RIMBP2: variants seen among roughly 807,000 people sequenced by gnomAD.
RIMBP2 encodes RIMS-binding protein 2.
RIMBP2 carries 48 observed loss-of-function variants against 118.6 expected under a neutral mutation model. The ratio of observed to expected loss-of-function variants is 0.40; its 90% CI spans 0.32 to 0.51. The LOEUF (loss-of-function observed/expected upper bound fraction) is 0.51, where lower values mean the gene tolerates loss of function less well. Among genes scored for constraint, RIMBP2 ranks in the 20% least tolerant of loss-of-function variants. RIMBP2 has a pLI of 0.41. For missense variants in RIMBP2, 1,551 were observed against 1,768.3 expected (o/e 0.88, Z 2.20); for synonymous variants, 762 against 742.9 (o/e 1.03, Z -0.42).
chr12:130,434,495 C>T lies in RIMBP2; in HGVS notation c.2253+239G>A, dbSNP rs1388311122. 6.6e-6 allele frequency among the ~76,000 whole-genome samples: 1 copy of T among 152,144 alleles called. No individual in the cohort carries two copies. Among genetic ancestry groups the T allele is most frequent in the African/African-American group, 2.4e-5 (1 of 41,440 alleles). On this transcript the variant is annotated intron_variant, in intron 14 of 22. Transcript: ENST00000690449. This position sits in a 1 kb window ranked among gnomAD's most constrained non-coding sequence, Gnocchi z 5.7. The stretch of plus-strand genomic sequence containing the variant: ...ATGACCGAATACCAGGATGGTGCAG[C>T]GGGGGAGGGTGGAAGCCCTGCACTT...
Position 130,581,396 on chromosome 12 carries a change from T to C in RIMBP2, c.-217+46926A>G, listed in dbSNP as rs1020967069. Among the ~76,000 whole-genome samples the C allele has an allele frequency of 6.6e-6, 1 of 152,108 alleles. No homozygotes were observed. The highest frequency in any genetic ancestry group is 2.4e-5 in the African/African-American group (1 of 41,412). ...TCTTAAGAGTTGATTTTACATAAAC[T>C]CCAAAAGTTCCATCTCCATCCCAGC... On this transcript the variant is annotated intron_variant, in intron 2 of 22. Transcript: ENST00000690449. This position sits in a 1 kb window ranked among gnomAD's most constrained non-coding sequence, Gnocchi z 4.4.
At chr12:130,478,594 G>T (rs1270156818) in intron 5 of RIMBP2, among the ~76,000 whole-genome samples, 1 of 152,198 alleles carries the variant, frequency 6.6e-6, no homozygotes, top group Non-Finnish European at 1.5e-5. Context: ...AACGGATGCT[G>T]CACACTGCTT....
At chr12:130,495,744 C>T (rs895497126) in intron 4 of RIMBP2, among the ~76,000 whole-genome samples, 1 of 152,174 alleles carries the variant, frequency 6.6e-6, no homozygotes, top group Non-Finnish European at 1.5e-5. Flanking sequence ...TGATCACTAA[C>T]CTCTCCAGCA....
intron 9 of RIMBP2, among the ~76,000 whole-genome samples, chr12:130,445,874 T>C (rs2078476898): frequency 2.0e-5 from 3 of 152,228 alleles, no homozygotes; most frequent in Non-Finnish European, 2.9e-5. Flanking sequence ...TATATTCTTA[T>C]AAACATATTT....
chr12:130,476,483 C>T (rs2081440297), intron 5 of RIMBP2, among the ~76,000 whole-genome samples: 1 of 152,164 alleles, frequency 6.6e-6, no homozygotes, highest in Non-Finnish European at 1.5e-5. Context: ...GGTAAGCACT[C>T]CAGCTCTGTG....
At chr12:130,675,724 T>C (rs1222847830) in intron 1 of RIMBP2, among the ~76,000 whole-genome samples, 1 of 152,188 alleles carries the variant, frequency 6.6e-6, no homozygotes, top group African/African-American at 2.4e-5. Context: ...CACTCCGATA[T>C]AAAGTCTGGA....
rs1355143996 is a variant in RIMBP2, at chr12:130,401,635, T to C, written c.3766-1822A>G. ...GCTCCATTATTAGCTTATTTTTCTC[T>C]GTTGACATTACAGACTATTTCTAGG... On this transcript the variant is annotated intron_variant, in intron 21 of 22. Transcript: ENST00000690449. Among the ~76,000 whole-genome samples, 4 of 151,930 alleles carry C rather than the reference T, an allele frequency of 2.6e-5. No individual in the cohort carries two copies. The South Asian group carries it at 8.3e-4, about 32-fold the overall frequency.
Position 130,399,561 on chromosome 12 carries a change from AT to A in RIMBP2, c.3900+117del, listed in dbSNP as rs2074330332. The A allele has an allele frequency of 6.6e-6, 8 of 1,211,576 alleles. No homozygotes were observed. The Middle Eastern group carries it at 6.6e-4, about 100-fold the overall frequency. The allele number at this position is 1,211,576 out of a possible 1,614,324, so 75.1% of individuals were successfully genotyped here. On this transcript the variant is annotated intron_variant, in intron 22 of 22. Coordinates refer to ENST00000690449, the MANE Select transcript of RIMBP2 (RefSeq NM_001393629.1). ...CATGGCTTCAGGGCAGAGAAAAAAA[AT>A]TCAGGGTGTATTTACGCTTTTCGGC...
chr12:130,616,205 T>C (rs1345466575), intron 2 of RIMBP2, among the ~76,000 whole-genome samples: 2 of 152,148 alleles, frequency 1.3e-5, no homozygotes, highest in African/African-American at 4.8e-5. Flanking sequence ...CCTAGACATC[T>C]GAAGAAGATG....
intron 20 of RIMBP2, 58 bp downstream of exon 20, chr12:130,407,668 A>G: frequency 2.2e-6 from 3 of 1,368,290 alleles, no homozygotes; most frequent in East Asian, 2.3e-5. Flanking sequence ...GTGGTGTACC[A>G]CGAGGGAAGG....
chr12:130,555,240 A>C (rs2139790376), intron 2 of RIMBP2, among the ~76,000 whole-genome samples: 1 of 152,318 alleles, frequency 6.6e-6, no homozygotes, highest in East Asian at 1.9e-4. Context: ...AAAACAGCTT[A>C]TGTTGAACAA....
intron 2 of RIMBP2, among the ~76,000 whole-genome samples, chr12:130,616,209 G>A (rs894914786): frequency 2.6e-5 from 4 of 152,136 alleles, no homozygotes; most frequent in African/African-American, 9.7e-5. Flanking sequence ...GACATCTGAA[G>A]AAGATGACTA....
chr12:130,711,834 G>A (rs1477643401), intron 1 of RIMBP2, among the ~76,000 whole-genome samples: 2 of 152,164 alleles, frequency 1.3e-5, no homozygotes, highest in Non-Finnish European at 1.5e-5. Context: ...GTCACTGAGC[G>A]CACCTCACAC....
At chr12:130,615,748 G>A (rs1041853344) in intron 2 of RIMBP2, among the ~76,000 whole-genome samples, 11 of 152,178 alleles carry the variant, frequency 7.2e-5, no homozygotes. Context: ...ATGTGACACT[G>A]TATAAGAATT....
At chr12:130,452,694 T>G (rs189764456) in intron 7 of RIMBP2, among the ~76,000 whole-genome samples, 6 of 152,316 alleles carry the variant, frequency 3.9e-5, no homozygotes, top group Admixed American at 3.9e-4. Flanking sequence ...CCCCACACAG[T>G]GGCCAGGGAA....
At chr12:130,423,691 CTT>C (rs34775409) in intron 16 of RIMBP2, among the ~76,000 whole-genome samples, 56 of 99,036 alleles carry the variant, frequency 5.7e-4, no homozygotes, top group African/African-American at 1.6e-3. Flanking sequence ...TTTCTTCAAT[CTT>C]TTTTTTTTTT....
At chr12:130,504,635 T>C (rs1241013676) in intron 4 of RIMBP2, among the ~76,000 whole-genome samples, 1 of 152,052 alleles carries the variant, frequency 6.6e-6, no homozygotes, top group African/African-American at 2.4e-5. Context: ...GTGAGGCTCA[T>C]CTCAGACTTC....
In RIMBP2 at chr12:130,511,203, A is replaced by G. The variant is rs1444865072; in HGVS notation, c.-126-4433T>C. 6.6e-6 allele frequency among the ~76,000 whole-genome samples: 1 copy of G among 152,120 alleles called. No homozygotes were observed. Among genetic ancestry groups the G allele is most frequent in the Non-Finnish European group, 1.5e-5 (1 of 68,028 alleles). ...AGGTGATGCTCTGCTGCCAGCTTTG[A>G]AGATCAGGGAAGGAAGCCAAAAAAA... On this transcript the variant is annotated intron_variant, in intron 3 of 22. Coordinates refer to ENST00000690449, the MANE Select transcript of RIMBP2 (RefSeq NM_001393629.1). The surrounding 1 kb of genome is among the most constrained non-coding windows in gnomAD (Gnocchi z 4.3).
rs541004803 is a variant in RIMBP2 at position 130,503,461 on chromosome 12, G to A, written c.-4+3187C>T. Among the ~76,000 whole-genome samples the A allele has an allele frequency of 7.3e-4, 111 of 151,928 alleles. 1 individual carries two copies. Among genetic ancestry groups the A allele is most frequent in the African/African-American group, 2.6e-3 (107 of 41,450 alleles). On this transcript the variant is annotated intron_variant, in intron 4 of 22. Coordinates refer to ENST00000690449, the MANE Select transcript of RIMBP2 (RefSeq NM_001393629.1). ...TTCTTGAGTTCTTCCCATATATGGGGCAATCCAGCCTTAGCGTTCCTCCCC... is the reference window on the plus strand; with the variant it reads ...TTCTTGAGTTCTTCCCATATATGGGACAATCCAGCCTTAGCGTTCCTCCCC...
Sources: allele counts gnomAD v4.1 joint callset (sites outside exome capture counted in the v4.1 genomes callset), GRCh38; gene constraint gnomAD v4.1.1; non-coding constraint Gnocchi (gnomAD v3.1); transcripts MANE v1.5; gene names NCBI Gene and HGNC (gene_info 2026-07-23, HGNC 2026-07-21).